Variants in NEDD1 observed in about 807,000 individuals in gnomAD.
NEDD1 encodes NEDD1 gamma-tubulin ring complex targeting factor, also known as protein NEDD1.
NEDD1 carries 33 observed loss-of-function variants against 74.0 expected under a neutral mutation model. The observed-to-expected ratio is 0.45, with a 90% CI of 0.34 to 0.60. NEDD1 has a LOEUF of 0.60. NEDD1 is among the 20% of genes least tolerant of loss of function. The pLI is 0.01. For synonymous variants in NEDD1, 250 were observed against 264.4 expected (o/e 0.95, Z 0.53); for missense variants, 746 against 776.5 (o/e 0.96, Z 0.47).
chr12:96,924,672 A>G (rs2136542900), intron 6 of NEDD1, among the ~76,000 whole-genome samples: 1 of 152,360 alleles, frequency 6.6e-6, no homozygotes, highest in South Asian at 2.1e-4. Context: ...AAATTCTGCT[A>G]AATTCACTTA....
In NEDD1 at chr12:96,952,097, TGGCAACACA is replaced by T. The variant is rs1392764012; in HGVS notation, c.*46_*54del. 2 of 1,044,646 alleles carry T rather than the reference TGGCAACACA, an allele frequency of 1.9e-6. No homozygotes were observed. The highest frequency in any genetic ancestry group is 2.4e-5 in the East Asian group (1 of 41,894). 64.7% of individuals were successfully genotyped at this position (1,044,646 alleles called of 1,614,324 possible). A position where few individuals can be genotyped will look rare whatever the true frequency, so the allele number is the denominator to read the frequency against. ...AATGTTCTGTAATTTGGGAAGTTTC[TGGCAACACA>T]GAACTACATAGAATCAGTATTGTTT... On this transcript the variant is annotated 3_prime_UTR_variant, in exon 16 of 16. Coordinates refer to ENST00000266742, the MANE Select transcript of NEDD1 (RefSeq NM_152905.4).
intron 6 of NEDD1, among the ~76,000 whole-genome samples, chr12:96,929,464 G>A (rs550393252): frequency 5.1e-4 from 75 of 146,820 alleles, no homozygotes; most frequent in African/African-American, 1.5e-3. Flanking sequence ...GGATATATCT[G>A]TGAAATTAGT....
chr12:96,941,533 G>C (rs1877659928), intron 10 of NEDD1, among the ~76,000 whole-genome samples: 1 of 152,030 alleles, frequency 6.6e-6, no homozygotes, highest in South Asian at 2.1e-4. Context: ...ACATTGTAAA[G>C]GGTAAACAGA....
At chr12:96,947,488 G>A (rs1222071468) in intron 14 of NEDD1, among the ~76,000 whole-genome samples, 1 of 152,164 alleles carries the variant, frequency 6.6e-6, no homozygotes, top group African/African-American at 2.4e-5. Context: ...CAGTTGTGAA[G>A]GTCTTAACAC....
At chr12:96,944,055 A>G (rs1877943402) in intron 12 of NEDD1, among the ~76,000 whole-genome samples, 1 of 152,088 alleles carries the variant, frequency 6.6e-6, no homozygotes, top group Admixed American at 6.6e-5. Context: ...ATTGCAGTAT[A>G]CAACATCAAG....
At chr12:96,928,315 T>A (rs1296004000) in intron 6 of NEDD1, among the ~76,000 whole-genome samples, 2 of 152,172 alleles carry the variant, frequency 1.3e-5, no homozygotes, top group African/African-American at 4.8e-5. Flanking sequence ...ATGCCATCAT[T>A]TACCTAAAAA....
rs1187529404 is a variant in NEDD1 at position 96,943,678 on chromosome 12, A to G, written c.1413A>G (p.Lys471=). 1.2e-6 allele frequency: 2 copies of G among 1,612,702 alleles called. No homozygotes were observed. The highest frequency in any genetic ancestry group is 1.7e-5 in the Admixed American group (1 of 59,958). The change falls in exon 12 of 16, where the codon AAA becomes AAG. Residue 471 remains lysine, a synonymous_variant. Transcript: ENST00000266742. ...ATGTTTTTATGGGATCTCCAGGGAAAGAGGAAAATGAAAACCGTGATCTAA... is the reference window on the plus strand; with the variant it reads ...ATGTTTTTATGGGATCTCCAGGGAAGGAGGAAAATGAAAACCGTGATCTAA... ...PLNVFMGSPG[K]EENENRDLTA...
At chr12:96,910,241 A>G (rs138347006) in intron 3 of NEDD1, among the ~76,000 whole-genome samples, 1,953 of 152,262 alleles carry the variant, frequency 0.013, 24 homozygotes, top group Middle Eastern at 0.027. Context: ...AATAATTCCA[A>G]AAGGTTTTGG....
In NEDD1 at chr12:96,937,697, T is replaced by C. The variant is rs1877269799; in HGVS notation, c.1117+304T>C. ...ATCCTTAATACTACTAAAGACTGAA[T>C]GGCTTTTCATTGTGTCTTCAGATTA... is the stretch of plus-strand genomic sequence containing the variant. On this transcript the variant is annotated intron_variant, in intron 9 of 15. Transcript: ENST00000266742. Among the ~76,000 whole-genome samples, 3 of 152,270 alleles carry C rather than the reference T, an allele frequency of 2.0e-5. No homozygotes were observed. The South Asian group carries it at 6.2e-4, about 32-fold the overall frequency.
chr12:96,935,335 T>A, intron 7 of NEDD1, 130 bp downstream of exon 7: 1 of 618,286 alleles, frequency 1.6e-6, no homozygotes, highest in African/African-American at 1.8e-5. Context: ...TTGATGGATC[T>A]AGTAAGAAAG....
At chr12:96,908,960 T>C (rs1481372982) in intron 2 of NEDD1, among the ~76,000 whole-genome samples, 1 of 152,120 alleles carries the variant, frequency 6.6e-6, no homozygotes, top group African/African-American at 2.4e-5. Flanking sequence ...GCAGATCACC[T>C]GAGGTCAGGA....
At chr12:96,950,703 A>G (rs1276280903) in intron 14 of NEDD1, among the ~76,000 whole-genome samples, 1 of 151,936 alleles carries the variant, frequency 6.6e-6, no homozygotes, top group African/African-American at 2.4e-5. Context: ...TTGTCCAACA[A>G]AATTCAGGAG....
In NEDD1 at chr12:96,920,076, G is replaced by C. The variant is rs771770342; in HGVS notation, c.440G>C (p.Ser147Thr). The C allele has an allele frequency of 6.2e-7, 1 of 1,604,854 alleles. No individual in the cohort carries two copies. Among genetic ancestry groups the C allele is most frequent in the Non-Finnish European group, 8.5e-7 (1 of 1,172,336 alleles). ...CTTAGTGGTGAAATTATTTTACACA[G>C]TGTAACCACTAATTTATCTAGTACT... The part of the protein sequence containing the change: ...GSLSGEIILH[S>T]VTTNLSSTPF... The change falls in exon 6 of 16, where the codon AGT becomes ACT. Residue 147 changes from serine to threonine, a missense_variant. Ser to Thr is a moderately conservative substitution (Grantham distance 58). This residue lies in a region of NEDD1 where 706 missense variants were observed against 706.7 expected (regional missense o/e 1.00). Transcript: ENST00000266742.
At chr12:96,919,856 A>G in intron 5 of NEDD1, 129 bp from the exon 6 acceptor site, 1 of 567,390 alleles carries the variant, frequency 1.8e-6, no homozygotes, top group Non-Finnish European at 3.0e-6. Context: ...AATTCTCTGT[A>G]TATTTGAGGA....
intron 9 of NEDD1, 56 bp downstream of exon 9, chr12:96,937,449 GT>G: frequency 2.1e-6 from 2 of 967,362 alleles, no homozygotes; most frequent in Non-Finnish European, 2.9e-6. Context: ...TTGTTTTTTT[GT>G]TTTTGGCTTG....
rs977233856 is a variant in NEDD1 at position 96,953,101 on chromosome 12, A to G, written c.*1048A>G. ...AGGTTAAGTGAAGCTTGGGGGGGCT[A>G]CTGACTTGGTTACCTTCTTGTCTCT... is the stretch of plus-strand genomic sequence containing the variant. On this transcript the variant is annotated 3_prime_UTR_variant, in exon 16 of 16. Coordinates refer to ENST00000266742, the MANE Select transcript of NEDD1 (RefSeq NM_152905.4). 2 of 151,398 alleles carry G rather than the reference A, an allele frequency of 1.3e-5. No homozygotes were observed. Among genetic ancestry groups the G allele is most frequent in the South Asian group, 4.2e-4 (2 of 4,816 alleles). The allele number at this position is 151,398 out of a possible 1,614,324, so 9.4% of individuals were successfully genotyped here.
chr12:96,930,466 C>A (rs968304225), intron 6 of NEDD1, among the ~76,000 whole-genome samples: 1 of 152,034 alleles, frequency 6.6e-6, no homozygotes, highest in East Asian at 1.9e-4. Flanking sequence ...GTGCTTAACC[C>A]CTTCCAGGAC....
intron 6 of NEDD1, among the ~76,000 whole-genome samples, chr12:96,925,720 T>C (rs184350170): frequency 2.6e-5 from 4 of 152,362 alleles, no homozygotes; most frequent in East Asian, 1.9e-4. Context: ...AGGATTTTCA[T>C]TGATAACTGC....
chr12:96,945,658 T>C, intron 13 of NEDD1, 35 bp from the exon 14 acceptor site: 1 of 1,379,742 alleles, frequency 7.2e-7, no homozygotes, highest in Non-Finnish European at 1.0e-6. Flanking sequence ...TCAGTCCAAG[T>C]TGACTATTAA....
Sources: gnomAD v4.1 joint callset for allele counts (sites outside exome capture counted in the v4.1 genomes callset) on GRCh38, gnomAD v4.1.1 for gene constraint, gnomAD v4.1.1 regional missense constraint, MANE v1.5 for transcripts, NCBI Gene and HGNC (gene_info 2026-07-23, HGNC 2026-07-21) for gene names.